The following ITGA6 variants were observed in gnomAD, a reference collection of about 807,000 sequenced individuals.
ITGA6 encodes the protein integrin alpha-6.
A neutral mutation model predicts 133.6 loss-of-function variants in ITGA6; 63 were observed. The ratio of observed to expected loss-of-function variants is 0.47; its 90% CI spans 0.38 to 0.58. The LOEUF is 0.58. Ranked by LOEUF, ITGA6 falls within the 20% of genes least tolerant of loss-of-function variation. The pLI is 0.00. For synonymous variants in ITGA6, 434 were observed against 482.0 expected (o/e 0.90, Z 1.30); for missense variants, 1,068 against 1,309.4 (o/e 0.82, Z 2.85).
intron 2 of ITGA6, among the ~76,000 whole-genome samples, chr2:172,466,301 C>T (rs760305333): frequency 1.3e-5 from 2 of 152,190 alleles, no homozygotes; most frequent in East Asian, 1.9e-4. Context: ...CTATGTTCTT[C>T]TCTTGCTTCT....
rs926842699 is a variant in ITGA6, at chr2:172,451,478, A to G, written c.183-14061A>G. 7.4e-5 allele frequency among the ~76,000 whole-genome samples: 11 copies of G among 148,586 alleles called. No individual in the cohort carries two copies. In the East Asian group the frequency reaches 1.2e-3, roughly 16 times the overall value. On this transcript the variant is annotated intron_variant, in intron 1 of 25. Coordinates refer to ENST00000684293, the MANE Select transcript of ITGA6 (RefSeq NM_000210.4). ...AGACTATCTTAAAAAAAAAAAAAAA[A>G]GGGAATGCTTATGGCAAGCCTGGCT... is the stretch of plus-strand genomic sequence containing the variant.
Position 172,487,080 on chromosome 2 carries a change from C to T in ITGA6, c.1912C>T (p.Leu638=). 1 of 1,613,288 alleles carries T rather than the reference C, an allele frequency of 6.2e-7. No homozygotes were observed. Among genetic ancestry groups the T allele is most frequent in the South Asian group, 1.1e-5 (1 of 91,064 alleles). Residue 638 remains leucine, a synonymous_variant, in exon 14 of 26, where the codon CTA becomes TTA. Transcript: ENST00000684293. ...DDNVCNSNLK[L]EYKFCTREGN... is the part of the protein sequence containing the mutation. ...CAATGTATGTAACAGCAACCTTAAA[C>T]TAGAATATAAATTTTGCACCCGAGA...
At chr2:172,458,314 C>T (rs2149027534) in intron 1 of ITGA6, among the ~76,000 whole-genome samples, 1 of 150,544 alleles carries the variant, frequency 6.6e-6, no homozygotes. Context: ...AATCTCGGCT[C>T]CTGAAACCTC....
intron 11 of ITGA6, 89 bp downstream of exon 11, chr2:172,480,140 G>A (rs1174990508): frequency 1.3e-6 from 1 of 766,402 alleles, no homozygotes; most frequent in Non-Finnish European, 2.3e-6. Flanking sequence ...AAACTGCAGT[G>A]GCCAACATGG....
intron 3 of ITGA6, among the ~76,000 whole-genome samples, chr2:172,467,789 C>T (rs911105472): frequency 2.0e-5 from 3 of 152,060 alleles, no homozygotes; most frequent in African/African-American, 7.2e-5. Context: ...GGGTTTGAGA[C>T]CAGCCTGACC....
chr2:172,468,482 C>T (rs1420758536), intron 3 of ITGA6, among the ~76,000 whole-genome samples: 1 of 152,168 alleles, frequency 6.6e-6, no homozygotes, highest in Non-Finnish European at 1.5e-5. Flanking sequence ...TATTTTTAGG[C>T]TGTGTTTACA....
chr2:172,468,998 A>T lies in ITGA6; in HGVS notation c.388-127A>T, dbSNP rs80196043. On this transcript the variant is annotated intron_variant, in intron 3 of 25. Coordinates refer to ENST00000684293, the MANE Select transcript of ITGA6 (RefSeq NM_000210.4). ...ATTTGCTGGTCTGGGATCCGGTCCC[A>T]AGATGAGGACATGCTTAATCATCCT... 7 of 1,027,232 alleles carry T rather than the reference A, an allele frequency of 6.8e-6. No individual in the cohort carries two copies. In the East Asian group the frequency reaches 1.7e-4, roughly 25 times the overall value. 63.6% of individuals were successfully genotyped at this position (1,027,232 alleles called of 1,614,324 possible). A position where few individuals can be genotyped will look rare whatever the true frequency, so the allele number is the denominator to read the frequency against.
chr2:172,456,637 A>C (rs2149025273), intron 1 of ITGA6, among the ~76,000 whole-genome samples: 1 of 152,296 alleles, frequency 6.6e-6, no homozygotes, highest in South Asian at 2.1e-4. Context: ...GGCTAAGTAC[A>C]ACATAGCCTG....
intron 13 of ITGA6, among the ~76,000 whole-genome samples, chr2:172,486,176 C>CAAAAAAAAAAAAAAAAAA (rs67271824): frequency 1.3e-5 from 1 of 77,334 alleles, no homozygotes; most frequent in African/African-American, 4.4e-5. Context: ...ACTCTATCTC[C>CAAAAAAAAAAAAAAAAAA]AAAAAAAAAA....
rs752393953 is a variant in ITGA6 at position 172,504,544 on chromosome 2, C to A, written c.*476C>A. On this transcript the variant is annotated 3_prime_UTR_variant, in exon 26 of 26. Coordinates refer to ENST00000684293, the MANE Select transcript of ITGA6 (RefSeq NM_000210.4). ...ACTTACATCATGTGTTGGGGAAGGGCCTGCCCAGTTGCACTCAGGTGACAT... is the reference window on the plus strand; with the variant it reads ...ACTTACATCATGTGTTGGGGAAGGGACTGCCCAGTTGCACTCAGGTGACAT... 7 of 266,832 alleles carry A rather than the reference C, an allele frequency of 2.6e-5. No homozygotes were observed. The highest frequency in any genetic ancestry group is 4.5e-5 in the African/African-American group (2 of 44,596). The allele number at this position is 266,832 out of a possible 1,614,324, so 16.5% of individuals were successfully genotyped here.
chr2:172,478,408 C>T (rs1686273753), intron 9 of ITGA6, among the ~76,000 whole-genome samples: 1 of 152,170 alleles, frequency 6.6e-6, no homozygotes, highest in African/African-American at 2.4e-5. Flanking sequence ...CCATCAGAGT[C>T]AGCCTAACTG....
chr2:172,500,318 T>G (rs1407230216), intron 24 of ITGA6, among the ~76,000 whole-genome samples: 1 of 152,068 alleles, frequency 6.6e-6, no homozygotes, highest in East Asian at 1.9e-4. Context: ...CCAGGGATAT[T>G]AAGAATGTTG....
intron 1 of ITGA6, among the ~76,000 whole-genome samples, chr2:172,449,922 CAA>C (rs753594850): frequency 0.074 from 5,766 of 77,416 alleles, 207 homozygotes; most frequent in East Asian, 0.29. Context: ...ACTTCCTCTC[CAA>C]AAAAAAAAAA....
Position 172,465,979 on chromosome 2 carries a change from G to C in ITGA6, c.307+316G>C, listed in dbSNP as rs16860456. On this transcript the variant is annotated intron_variant, in intron 2 of 25. Coordinates refer to ENST00000684293, the MANE Select transcript of ITGA6 (RefSeq NM_000210.4). ...CTCATTTCATAGCAATGAAGAGAATGAATGAGCGTATCTTGTATTCATCAG... is the reference window on the plus strand; with the variant it reads ...CTCATTTCATAGCAATGAAGAGAATCAATGAGCGTATCTTGTATTCATCAG... The C allele has an allele frequency of 7.6e-3, 3,338 of 440,800 alleles. 97 individuals carry two copies. Among genetic ancestry groups the C allele is most frequent in the African/African-American group, 0.06 (3,031 of 50,186 alleles). 27.3% of individuals were successfully genotyped at this position (440,800 alleles called of 1,614,324 possible).
In ITGA6 at chr2:172,482,795, T is replaced by TATTGA. The variant is rs1317114342; in HGVS notation, c.1550-1986_1550-1985insTTGAA. On this transcript the variant is annotated intron_variant, in intron 11 of 25. Transcript: ENST00000684293. ...GAATTCTCCAGATGGACACAAAAAT[T>TATTGA]ACTATTGAAACTGTCAGTGTTTCTA... is the stretch of plus-strand genomic sequence containing the variant. 4.6e-5 allele frequency among the ~76,000 whole-genome samples: 7 copies of TATTGA among 152,360 alleles called. No homozygotes were observed. The East Asian group carries it at 1.4e-3, about 29-fold the overall frequency.
intron 1 of ITGA6, among the ~76,000 whole-genome samples, chr2:172,437,097 A>C (rs1373557149): frequency 2.0e-5 from 3 of 152,242 alleles, no homozygotes; most frequent in Admixed American, 6.5e-5. Flanking sequence ...CAGGCAAAGC[A>C]GTGAGTCTCC....
rs1686600272 is a variant in ITGA6, at chr2:172,484,955, G to T, written c.1710+13G>T. The T allele has an allele frequency of 6.2e-7, 1 of 1,613,716 alleles. No homozygotes were observed. The highest frequency in any genetic ancestry group is 1.3e-5 in the African/African-American group (1 of 75,044). ...CCTGTGGCTACAGGTGAGGGCTGCA[G>T]ATGGTCACATCTGTTTTATGAAGAG... On this transcript the variant is annotated intron_variant, in intron 12 of 25. Transcript: ENST00000684293.
rs1686370964 is a variant in ITGA6 at position 172,480,144 on chromosome 2, AACATGGGT to A, written c.1549+94_1549+101del. On this transcript the variant is annotated intron_variant, in intron 11 of 25. Transcript: ENST00000684293. ...ACAGAAAAATAAAACTGCAGTGGCC[AACATGGGT>A]CTGTCAATTCTGGTGTAAAGAATTA... The A allele has an allele frequency of 3.9e-6, 3 of 760,648 alleles. No homozygotes were observed. The South Asian group carries it at 4.3e-5, about 11-fold the overall frequency. The allele number at this position is 760,648 out of a possible 1,614,324, so 47.1% of individuals were successfully genotyped here.
At chr2:172,461,849 C>G (rs1467320414) in intron 1 of ITGA6, among the ~76,000 whole-genome samples, 1 of 152,202 alleles carries the variant, frequency 6.6e-6, no homozygotes, top group Non-Finnish European at 1.5e-5. Flanking sequence ...CAACCATGTC[C>G]TGAACAGCTT....
Sources: allele counts gnomAD v4.1 joint callset (sites outside exome capture counted in the v4.1 genomes callset), GRCh38; gene constraint gnomAD v4.1.1; transcripts MANE v1.5; gene names NCBI Gene and HGNC (gene_info 2026-07-23, HGNC 2026-07-21).